The following MESD variants were observed in gnomAD, a reference collection of about 807,000 sequenced individuals.
MESD encodes mesoderm development LRP chaperone.
Under a neutral mutation model 12.9 loss-of-function variants are expected in MESD, and 7 were observed. That is an observed-to-expected ratio of 0.54 (90% CI 0.31 to 1.02). MESD has a LOEUF of 1.02. Ranked by LOEUF, MESD falls within the 50% of genes least tolerant of loss-of-function variation. The probability of loss-of-function intolerance (pLI) is 0.05; values close to 1 mark genes in which losing one functional copy is unlikely to be tolerated. For missense variants in MESD, 342 were observed against 296.7 expected, an observed-to-expected ratio of 1.15 and a Z score of -1.12; for synonymous variants, 126 against 115.6, an observed-to-expected ratio of 1.09 and a Z score of -0.58.
At chr15:80,947,717 T>A (rs1901622721) in exon 5 of MESD, 1 of 153,832 alleles carries the variant, frequency 6.5e-6, no homozygotes, top group South Asian at 2.0e-4. Flanking sequence ...GCAATAATGA[T>A]AATGATCATT....
chr15:80,979,044 G>T lies in MESD; in HGVS notation c.*175C>A. On this transcript the variant is annotated 3_prime_UTR_variant, in exon 3 of 3. Coordinates refer to ENST00000261758, the MANE Select transcript of MESD (RefSeq NM_015154.3). ...TTAGAAAACATCTGTCTTCTTACTT[G>T]AAGCCTATTAAGCAGTAATTCTTTG... 1 of 765,116 alleles carries T rather than the reference G, an allele frequency of 1.3e-6. No homozygotes were observed. The highest frequency in any genetic ancestry group is 2.1e-6 in the Non-Finnish European group (1 of 480,406). 47.4% of individuals were successfully genotyped at this position (765,116 alleles called of 1,614,324 possible).
intron 3 of MESD, among the ~76,000 whole-genome samples, chr15:80,970,021 G>C (rs1283429549): frequency 6.6e-6 from 1 of 152,208 alleles, no homozygotes; most frequent in Non-Finnish European, 1.5e-5. Flanking sequence ...AATATTACTA[G>C]AACAGTACAC....
chr15:80,953,850 G>T (rs973599792), intron 3 of MESD, among the ~76,000 whole-genome samples: 24 of 152,274 alleles, frequency 1.6e-4, no homozygotes, highest in African/African-American at 5.3e-4. Context: ...AAAACGCAAC[G>T]GCACAAAGCT....
exon 5 of MESD, chr15:80,948,577 G>A: frequency 1.6e-6 from 1 of 617,960 alleles, no homozygotes; most frequent in South Asian, 1.8e-5. Flanking sequence ...CCCTGCCTAG[G>A]TGGCAGTGAG....
chr15:80,949,794 G>T (rs1901739371), intron 4 of MESD: 1 of 152,306 alleles, frequency 6.6e-6, no homozygotes, highest in South Asian at 2.1e-4. Flanking sequence ...CATTTCAGAG[G>T]GGAGGCTCAG....
chr15:80,954,660 C>T (rs1289052612), intron 3 of MESD, among the ~76,000 whole-genome samples: 2 of 152,110 alleles, frequency 1.3e-5, no homozygotes, highest in African/African-American at 4.8e-5. Flanking sequence ...CCAGGAACTG[C>T]CCTCCCTCAC....
chr15:80,989,794 T>C lies in MESD; in HGVS notation c.-3A>G, dbSNP rs1893251740. On this transcript the variant is annotated 5_prime_UTR_variant, in exon 1 of 3. Coordinates refer to ENST00000261758, the MANE Select transcript of MESD (RefSeq NM_015154.3). ...CGCGCCCACCTGGAAGCCGCCATTT[T>C]CGCTGCGCCGCGCAGCGCCCTAGAC... 4 of 1,570,650 alleles carry C rather than the reference T, an allele frequency of 2.5e-6. No homozygotes were observed. Among genetic ancestry groups the C allele is most frequent in the Non-Finnish European group, 3.4e-6 (4 of 1,165,398 alleles).
At position 80,975,998 on chromosome 15, in the gene MESD, A is replaced by T. The variant is rs11638906; in HGVS notation, c.*3221T>A. 7 of 152,140 alleles carry T rather than the reference A, an allele frequency of 4.6e-5. No individual in the cohort carries two copies. Among genetic ancestry groups the T allele is most frequent in the African/African-American group, 1.4e-4 (6 of 41,426 alleles). 9.4% of individuals were successfully genotyped at this position (152,140 alleles called of 1,614,324 possible). ...AAACAAATGACATTTCTCTTAAAAA[A>T]TTTTTGTTTCGTTTTTTTGAGACAG... On this transcript the variant is annotated 3_prime_UTR_variant, in exon 3 of 3. Coordinates refer to ENST00000261758, the MANE Select transcript of MESD (RefSeq NM_015154.3).
chr15:80,979,120 A>T lies in MESD; in HGVS notation c.*99T>A, dbSNP rs1332359043. 1 of 1,468,626 alleles carries T rather than the reference A, an allele frequency of 6.8e-7. No individual in the cohort carries two copies. Among genetic ancestry groups the T allele is most frequent in the Non-Finnish European group, 9.2e-7 (1 of 1,090,172 alleles). 91.0% of individuals were successfully genotyped at this position (1,468,626 alleles called of 1,614,324 possible). On this transcript the variant is annotated 3_prime_UTR_variant, in exon 3 of 3. Transcript: ENST00000261758. ...CCTTTCTAGAAGACACTAGAATGTC[A>T]TCCGGTGTGCAGTTGCCTGAGACCA... is the stretch of plus-strand genomic sequence containing the variant.
chr15:80,980,445 G>A (rs1207285651), intron 2 of MESD, among the ~76,000 whole-genome samples: 1 of 152,194 alleles, frequency 6.6e-6, no homozygotes, highest in Non-Finnish European at 1.5e-5. Context: ...TCGGTTAACA[G>A]CATGGTCCAA....
intron 1 of MESD, among the ~76,000 whole-genome samples, chr15:80,988,173 T>G (rs2141818794): frequency 6.6e-6 from 1 of 152,336 alleles, no homozygotes; most frequent in South Asian, 2.1e-4. Flanking sequence ...AATTTGAAAC[T>G]CAGCTAGCTT....
At chr15:80,967,898 T>G (rs922022191) in intron 3 of MESD, among the ~76,000 whole-genome samples, 1 of 152,342 alleles carries the variant, frequency 6.6e-6, no homozygotes, top group Non-Finnish European at 1.5e-5. Context: ...AAGCCCAGGT[T>G]TAAGCTGATT....
chr15:80,970,242 T>C (rs1349614081), intron 3 of MESD, among the ~76,000 whole-genome samples: 1 of 152,168 alleles, frequency 6.6e-6, no homozygotes, highest in Non-Finnish European at 1.5e-5. Flanking sequence ...AGTGGGTACA[T>C]CCTTTAATTT....
rs56314660 is a variant in MESD, at chr15:80,989,559, G to A, written c.213+20C>T. 237,803 of 1,609,102 alleles carry A rather than the reference G, an allele frequency of 0.15. 18,385 individuals are homozygous for A. Among genetic ancestry groups the A allele is most frequent in the African/African-American group, 0.25 (18,590 of 74,878 alleles). On this transcript the variant is annotated intron_variant, in intron 1 of 2. Coordinates refer to ENST00000261758, the MANE Select transcript of MESD (RefSeq NM_015154.3). ...GTCCCGCACAGAGAAGAGCCGGGAGGGTGTGCGCGCGCCGCGGACCTCCCA... is the reference window on the plus strand; with the variant it reads ...GTCCCGCACAGAGAAGAGCCGGGAGAGTGTGCGCGCGCCGCGGACCTCCCA...
chr15:80,946,760 G>A (rs1901572758), downstream of MESD: 2 of 597,364 alleles, frequency 3.3e-6, no homozygotes, highest in Non-Finnish European at 6.2e-6. Context: ...CCAGATGTGT[G>A]GGAGGGAGCT....
chr15:80,987,197 A>G (rs1902754957), intron 1 of MESD, among the ~76,000 whole-genome samples: 1 of 152,142 alleles, frequency 6.6e-6, no homozygotes. Flanking sequence ...ACAGCCTCTC[A>G]CTGAAGCACT....
At chr15:80,981,209 A>G (rs1902567301) in intron 2 of MESD, among the ~76,000 whole-genome samples, 1 of 151,214 alleles carries the variant, frequency 6.6e-6, no homozygotes, top group Non-Finnish European at 1.5e-5. Context: ...AGGCTGAGGC[A>G]GGCAGATCAC....
downstream of MESD, among the ~76,000 whole-genome samples, chr15:80,973,061 T>C (rs558859230): frequency 2.6e-5 from 4 of 152,142 alleles, no homozygotes; most frequent in South Asian, 8.3e-4. Flanking sequence ...CCTTCGTTAC[T>C]ATATAACGCT....
At chr15:80,960,222 G>C (rs925866160) in intron 3 of MESD, among the ~76,000 whole-genome samples, 2 of 152,104 alleles carry the variant, frequency 1.3e-5, no homozygotes, top group African/African-American at 4.8e-5. Context: ...AAAATTAGTT[G>C]GGTGTGGTGG....
Sources: gnomAD v4.1 joint callset for allele counts (sites outside exome capture counted in the v4.1 genomes callset) on GRCh38, gnomAD v4.1.1 for gene constraint, MANE v1.5 for transcripts, NCBI Gene and HGNC (gene_info 2026-07-23, HGNC 2026-07-21) for gene names.